THRB: variants seen among roughly 807,000 people sequenced by gnomAD.
THRB encodes nuclear receptor subfamily 1 group A member 2.
A neutral mutation model predicts 47.8 loss-of-function variants in THRB; 12 were observed. That is an observed-to-expected ratio of 0.25 (90% confidence interval 0.16 to 0.41). THRB has a LOEUF of 0.41. Among genes scored for constraint, THRB ranks in the 10% least tolerant of loss-of-function variants. The pLI is 1.00. For missense variants in THRB, 348 were observed against 589.2 expected (o/e 0.59, Z 4.24); for synonymous variants, 218 against 212.2 (o/e 1.03, Z -0.24).
chr3:24,349,658 TTGTACCTCAC>T (rs1263531110), intron 1 of THRB, among the ~76,000 whole-genome samples: 1 of 152,076 alleles, frequency 6.6e-6, no homozygotes, highest in East Asian at 1.9e-4. Context: ...AAAAATATTT[TTGTACCTCAC>T]TTCACATGAT....
intron 3 of THRB, among the ~76,000 whole-genome samples, chr3:24,248,182 A>C (rs1024448100): frequency 6.6e-5 from 10 of 152,108 alleles, no homozygotes; most frequent in Non-Finnish European, 1.5e-4. Context: ...AATTCATAAG[A>C]ATGGACCCTA....
chr3:24,216,540 G>A (rs574792282), intron 4 of THRB, among the ~76,000 whole-genome samples: 10 of 152,038 alleles, frequency 6.6e-5, no homozygotes, highest in African/African-American at 1.7e-4. Flanking sequence ...CCTGGGAGGC[G>A]GAGCTTGCAG....
intron 3 of THRB, among the ~76,000 whole-genome samples, chr3:24,238,583 A>C (rs1333014466): frequency 1.3e-5 from 2 of 152,132 alleles, no homozygotes; most frequent in Non-Finnish European, 2.9e-5. Context: ...TGTCATAAGA[A>C]AAGACTCTAG....
chr3:24,256,596 G>A (rs1268112705), intron 3 of THRB, among the ~76,000 whole-genome samples: 1 of 152,202 alleles, frequency 6.6e-6, no homozygotes, highest in African/African-American at 2.4e-5. Flanking sequence ...CTGGGAGGGA[G>A]TCCCATCTGG....
chr3:24,247,747 C>T (rs117852160), intron 3 of THRB, among the ~76,000 whole-genome samples: 1 of 152,128 alleles, frequency 6.6e-6, no homozygotes, highest in Non-Finnish European at 1.5e-5. Flanking sequence ...AATATGCCTC[C>T]TGACCCCAAA....
chr3:24,306,968 A>G (rs1329682687), intron 2 of THRB, among the ~76,000 whole-genome samples: 1 of 152,184 alleles, frequency 6.6e-6, no homozygotes, highest in African/African-American at 2.4e-5. Context: ...TTTAAAAGCA[A>G]ACCACAATTA....
chr3:24,258,573 A>G (rs1483280813), intron 3 of THRB, among the ~76,000 whole-genome samples: 1 of 152,188 alleles, frequency 6.6e-6, no homozygotes, highest in Non-Finnish European at 1.5e-5. Flanking sequence ...GACTAAAAGC[A>G]TGCAGGTGGG....
intron 3 of THRB, among the ~76,000 whole-genome samples, chr3:24,270,636 G>A (rs890848658): frequency 6.6e-6 from 1 of 152,160 alleles, no homozygotes; most frequent in African/African-American, 2.4e-5. Context: ...AGCTAACGGG[G>A]GTCAGTTCAT....
intron 1 of THRB, among the ~76,000 whole-genome samples, chr3:24,402,713 A>G (rs1482649857): frequency 6.6e-6 from 1 of 151,988 alleles, no homozygotes; most frequent in Non-Finnish European, 1.5e-5. Context: ...AACATCTAGA[A>G]GCTGTTATCC....
intron 1 of THRB, among the ~76,000 whole-genome samples, chr3:24,338,130 C>T (rs1230034104): frequency 6.6e-6 from 1 of 152,142 alleles, no homozygotes; most frequent in African/African-American, 2.4e-5. Flanking sequence ...GCAGGGAAAA[C>T]ATCTGGGTTC....
chr3:24,252,895 C>T (rs913047303), intron 3 of THRB, among the ~76,000 whole-genome samples: 1 of 151,912 alleles, frequency 6.6e-6, no homozygotes, highest in Non-Finnish European at 1.5e-5. Context: ...TGGATGGACA[C>T]AAAGAAACTA....
intron 4 of THRB, among the ~76,000 whole-genome samples, chr3:24,206,084 C>G (rs944614160): frequency 1.3e-5 from 2 of 152,192 alleles, no homozygotes; most frequent in Non-Finnish European, 2.9e-5. Context: ...CAACATTAGA[C>G]AGATCAACGA....
rs563684383 is a variant in THRB, at chr3:24,314,127, T to G, written c.-188-16756A>C. Among the ~76,000 whole-genome samples, 3 of 152,360 alleles carry G rather than the reference T, an allele frequency of 2.0e-5. No homozygotes were observed. The South Asian group carries it at 6.2e-4, about 32-fold the overall frequency. ...CTGTCATTTAACTAGCCCAATCACC[T>G]AATGATAGATTTTTATCTCCATTTC... is the stretch of plus-strand genomic sequence containing the variant. On this transcript the variant is annotated intron_variant, in intron 2 of 10. Transcript: ENST00000646209.
chr3:24,287,643 C>A (rs1380061821), intron 3 of THRB, among the ~76,000 whole-genome samples: 1 of 152,188 alleles, frequency 6.6e-6, no homozygotes, highest in Non-Finnish European at 1.5e-5. Context: ...CAGCTTTCTG[C>A]AATTCTAGAG....
chr3:24,459,122 C>T (rs35387064), intron 1 of THRB: 41,147 of 151,904 alleles, frequency 0.27, 5,968 homozygotes, highest in East Asian at 0.36. Context: ...CCCCACCCCC[C>T]AACAGGCCCG....
At chr3:24,437,680 A>G (rs918974791) in intron 1 of THRB, among the ~76,000 whole-genome samples, 1 of 152,098 alleles carries the variant, frequency 6.6e-6, no homozygotes, top group East Asian at 1.9e-4. Flanking sequence ...TTGCTGGAAA[A>G]AAAGGTGGGT....
intron 1 of THRB, among the ~76,000 whole-genome samples, chr3:24,389,223 C>A (rs1351461105): frequency 6.6e-6 from 1 of 152,116 alleles, no homozygotes; most frequent in Non-Finnish European, 1.5e-5. Flanking sequence ...TCATAGAATT[C>A]CTTTACTGAC....
intron 4 of THRB, among the ~76,000 whole-genome samples, chr3:24,191,339 G>C (rs1324778090): frequency 6.6e-6 from 1 of 151,480 alleles, no homozygotes; most frequent in Non-Finnish European, 1.5e-5. Context: ...AAATTCTTAA[G>C]CTACTGTTTG....
chr3:24,387,370 T>C (rs1182460153), intron 1 of THRB, among the ~76,000 whole-genome samples: 2 of 152,180 alleles, frequency 1.3e-5, no homozygotes. Flanking sequence ...GTCTACTCCC[T>C]TAACACATTA....
Sources: allele counts gnomAD v4.1 joint callset (sites outside exome capture counted in the v4.1 genomes callset), GRCh38; gene constraint gnomAD v4.1.1; transcripts MANE v1.5; gene names NCBI Gene and HGNC (gene_info 2026-07-23, HGNC 2026-07-21).